PPP4R3A: variants seen among roughly 807,000 people sequenced by gnomAD.
PPP4R3A encodes protein phosphatase 4 regulatory subunit 3A.
A neutral mutation model predicts 91.7 loss-of-function variants in PPP4R3A; 15 were observed. That is an observed-to-expected ratio of 0.16 (90% CI 0.11 to 0.25). PPP4R3A has a LOEUF of 0.25. PPP4R3A is among the 10% of genes least tolerant of loss of function. The pLI, the probability that PPP4R3A is intolerant of heterozygous loss-of-function variation, is 1.00. For missense variants in PPP4R3A, 623 were observed against 998.4 expected (o/e 0.62, Z 5.07); for synonymous variants, 377 against 348.7 (o/e 1.08, Z -0.91).
At chr14:91,496,623 A>G (rs988800113) in intron 1 of PPP4R3A, among the ~76,000 whole-genome samples, 6 of 152,190 alleles carry the variant, frequency 3.9e-5, no homozygotes, top group Non-Finnish European at 7.3e-5. Flanking sequence ...AGAAGCTTCT[A>G]GTGTTGGGAA....
At chr14:91,459,630 C>T (rs1887997324) in intron 14 of PPP4R3A, among the ~76,000 whole-genome samples, 1 of 151,752 alleles carries the variant, frequency 6.6e-6, no homozygotes, top group Non-Finnish European at 1.5e-5. Flanking sequence ...AGTTTGAGAC[C>T]AGCCTGGCCT....
chr14:91,461,635 G>A (rs200283562), intron 13 of PPP4R3A, 28 bp from the exon 14 acceptor site: 107 of 1,597,056 alleles, frequency 6.7e-5, no homozygotes, highest in Non-Finnish European at 7.5e-5. Context: ...GTCAATAGTC[G>A]TCCCCCATAC....
intron 1 of PPP4R3A, among the ~76,000 whole-genome samples, chr14:91,506,516 T>C (rs1190297418): frequency 6.6e-6 from 1 of 152,188 alleles, no homozygotes; most frequent in Non-Finnish European, 1.5e-5. Context: ...ACTGACAGTA[T>C]TTCACAAGTA....
In PPP4R3A at chr14:91,476,974, AT is replaced by A; in HGVS notation, c.927del (p.Lys309AsnfsTer3). The A allele has an allele frequency of 6.2e-7, 1 of 1,600,942 alleles. No individual in the cohort carries two copies. Among genetic ancestry groups the A allele is most frequent in the Non-Finnish European group, 8.5e-7 (1 of 1,172,466 alleles). On this transcript the variant is annotated frameshift_variant, in exon 5 of 15. Coordinates refer to ENST00000554943, the MANE Select transcript of PPP4R3A (RefSeq NM_001366432.2). LOFTEE classifies it high-confidence loss of function. ...AGTTGTGCAAACAAATCTGTCAGAAATTTTTCATCTTCCTGTGAAACAAAGG... is the reference window on the plus strand; with the variant it reads ...AGTTGTGCAAACAAATCTGTCAGAAATTTTCATCTTCCTGTGAAACAAAGG... ...EIVGMLQEDE[K>X]FLTDLFAQLT...
rs771636786 is a variant in PPP4R3A at position 91,509,475 on chromosome 14, C to G, written c.142+31G>C. On this transcript the variant is annotated intron_variant, in intron 1 of 14. Coordinates refer to ENST00000554943, the MANE Select transcript of PPP4R3A (RefSeq NM_001366432.2). The stretch of plus-strand genomic sequence containing the variant: ...AGGCGGCCCAGGGCCGTGGGGGCTG[C>G]GAGGGTCCCGCCGCGCGGGGCTTCA... The G allele has an allele frequency of 1.5e-5, 23 of 1,561,332 alleles. No homozygotes were observed. In the African/African-American group the frequency reaches 3.1e-4, roughly 21 times the overall value.
chr14:91,476,635 G>A (rs1889225112), intron 5 of PPP4R3A, 111 bp from the exon 6 acceptor site: 1 of 778,670 alleles, frequency 1.3e-6, no homozygotes, highest in African/African-American at 1.8e-5. Context: ...GCACGATCTT[G>A]GCTCACTGCA....
At chr14:91,475,772 T>C (rs966858101) in intron 7 of PPP4R3A, 39 bp downstream of exon 7, 9 of 1,545,764 alleles carry the variant, frequency 5.8e-6, no homozygotes, top group Non-Finnish European at 8.0e-6. Context: ...TATAGCTTCC[T>C]ATGTATAAAT....
intron 1 of PPP4R3A, among the ~76,000 whole-genome samples, 157 bp from the exon 2 acceptor site, chr14:91,490,959 C>T (rs1257437904): frequency 6.7e-6 from 1 of 148,162 alleles, no homozygotes; most frequent in Non-Finnish European, 1.5e-5. Context: ...GACTGGAGTG[C>T]ACTGGCACGA....
At chr14:91,459,602 G>C (rs1887995745) in intron 14 of PPP4R3A, among the ~76,000 whole-genome samples, 1 of 152,004 alleles carries the variant, frequency 6.6e-6, no homozygotes, top group Admixed American at 6.5e-5. Flanking sequence ...TGAGGCGGAG[G>C]GATCACATGA....
intron 2 of PPP4R3A, among the ~76,000 whole-genome samples, chr14:91,486,796 C>T (rs1188388287): frequency 2.7e-5 from 4 of 149,472 alleles, no homozygotes; most frequent in Non-Finnish European, 5.9e-5. Flanking sequence ...CCCAGCCACT[C>T]GGGAGACTGA....
intron 4 of PPP4R3A, among the ~76,000 whole-genome samples, chr14:91,480,298 A>G (rs1861242067): frequency 6.6e-6 from 1 of 152,164 alleles, no homozygotes; most frequent in Non-Finnish European, 1.5e-5. Flanking sequence ...TAATGTCACC[A>G]TCCTTCAGAT....
intron 1 of PPP4R3A, among the ~76,000 whole-genome samples, chr14:91,507,578 C>A (rs1445667225): frequency 1.1e-5 from 1 of 94,436 alleles, no homozygotes; most frequent in African/African-American, 3.8e-5. Flanking sequence ...ATTATACATA[C>A]TATAGTTATA....
intron 10 of PPP4R3A, 41 bp downstream of exon 10, chr14:91,470,796 C>A: frequency 6.3e-7 from 1 of 1,584,716 alleles, no homozygotes. Context: ...AAAATACCAA[C>A]ATGTCAATAT....
At chr14:91,479,842 C>G (rs1262602885) in intron 4 of PPP4R3A, among the ~76,000 whole-genome samples, 1 of 152,152 alleles carries the variant, frequency 6.6e-6, no homozygotes, top group Non-Finnish European at 1.5e-5. Context: ...GCATCCAGCC[C>G]CAGGCTAGTC....
rs1888165121 is a variant in PPP4R3A at position 91,461,597 on chromosome 14, A to G, written c.2175T>C (p.Ser725=). 1 of 1,613,348 alleles carries G rather than the reference A, an allele frequency of 6.2e-7. No individual in the cohort carries two copies. Among genetic ancestry groups the G allele is most frequent in the African/African-American group, 1.3e-5 (1 of 74,834 alleles). Residue 725 remains serine (S), a synonymous_variant, in exon 14 of 15, where the codon AGT becomes AGC. Transcript: ENST00000554943. Reference sequence around the variant, plus strand: ...TTTTCAGAAGCACTTCCTTTTCCTCACTTTCTTTTACTAAAAATGAGAATA... The same window carrying G: ...TTTTCAGAAGCACTTCCTTTTCCTCGCTTTCTTTTACTAAAAATGAGAATA... ...KFMERKKLKE[S]EEKEVLLKTN...
intron 1 of PPP4R3A, among the ~76,000 whole-genome samples, chr14:91,507,878 C>G (rs543157989): frequency 4.0e-4 from 60 of 151,774 alleles, no homozygotes; most frequent in African/African-American, 1.4e-3. Flanking sequence ...TCCTAATACT[C>G]CGGGAGGCCG....
At chr14:91,477,807 C>T (rs1426819578) in intron 4 of PPP4R3A, among the ~76,000 whole-genome samples, 3 of 152,172 alleles carry the variant, frequency 2.0e-5, no homozygotes, top group Non-Finnish European at 4.4e-5. Context: ...CACCACTACA[C>T]CCAGCTAATT....
intron 4 of PPP4R3A, among the ~76,000 whole-genome samples, chr14:91,479,588 G>C (rs761896754): frequency 6.6e-6 from 1 of 151,914 alleles, no homozygotes; most frequent in Non-Finnish European, 1.5e-5. Context: ...CTGTTGCCCA[G>C]GCTAGAGTGC....
At chr14:91,478,405 T>C (rs753589852) in intron 4 of PPP4R3A, among the ~76,000 whole-genome samples, 15 of 152,370 alleles carry the variant, frequency 9.8e-5, no homozygotes, top group Non-Finnish European at 2.1e-4. Context: ...CATGGGGCTA[T>C]ACAAAGTGGG....
Sources: allele counts gnomAD v4.1 joint callset (sites outside exome capture counted in the v4.1 genomes callset), GRCh38; gene constraint gnomAD v4.1.1; transcripts MANE v1.5; gene names NCBI Gene and HGNC (gene_info 2026-07-23, HGNC 2026-07-21).